Variants in ATP2A3 observed in about 807,000 individuals in gnomAD.
ATP2A3 encodes the protein sarcoplasmic/endoplasmic reticulum calcium ATPase 3.
A neutral mutation model predicts 106.8 loss-of-function variants in ATP2A3; 61 were observed. That is an observed-to-expected ratio of 0.57 (90% CI 0.46 to 0.71). The LOEUF is 0.71. Among genes scored for constraint, ATP2A3 ranks in the 30% least tolerant of loss-of-function variants. The pLI, the probability that ATP2A3 is intolerant of heterozygous loss-of-function variation, is 0.00. For missense variants in ATP2A3, 1,201 were observed against 1,423.5 expected (o/e 0.84, Z 2.52); for synonymous variants, 611 against 609.3 (o/e 1.00, Z -0.04).
At chr17:3,950,915 GCC>G in intron 5 of ATP2A3, 142 bp from the exon 6 acceptor site, 1 of 875,828 alleles carries the variant, frequency 1.1e-6, no homozygotes, top group Non-Finnish European at 1.8e-6. Context: ...TGCCCCTCTG[GCC>G]CACAGTCTCA....
At chr17:3,940,240 G>C (rs1027350846) in intron 14 of ATP2A3, among the ~76,000 whole-genome samples, 6 of 151,934 alleles carry the variant, frequency 3.9e-5, no homozygotes, top group African/African-American at 1.2e-4. Flanking sequence ...CCAAAGATCT[G>C]TGTGCTTCAT....
chr17:3,958,205 G>T (rs899653438), intron 1 of ATP2A3, among the ~76,000 whole-genome samples: 1 of 152,236 alleles, frequency 6.6e-6, no homozygotes. Flanking sequence ...GGTGATAAAT[G>T]TAAGTACCTC....
At chr17:3,934,291 A>G (rs1462303425) in intron 17 of ATP2A3, among the ~76,000 whole-genome samples, 1 of 150,290 alleles carries the variant, frequency 6.7e-6, no homozygotes, top group Non-Finnish European at 1.5e-5. Flanking sequence ...TGGTGTGATC[A>G]CGGCTCAGTT....
At chr17:3,963,471 C>T (rs1160650350) in intron 1 of ATP2A3, among the ~76,000 whole-genome samples, 4 of 152,264 alleles carry the variant, frequency 2.6e-5, no homozygotes. Flanking sequence ...GAATCCCACA[C>T]TCCTTTGAAG....
At position 3,953,784 on chromosome 17, in the gene ATP2A3, G is replaced by T; in HGVS notation, c.119-74C>A. ...TGGGTCACGCAGGGGCCTCGGGGGA[G>T]TCTGGCAGTGCCTCCCCACCGTGCC... is the stretch of plus-strand genomic sequence containing the variant. On this transcript the variant is annotated intron_variant, in intron 1 of 20. Coordinates refer to ENST00000397041, the MANE Select transcript of ATP2A3 (RefSeq NM_005173.4). The surrounding 1 kb of genome is among the most constrained non-coding windows in gnomAD (Gnocchi z 5.1). 6.6e-7 allele frequency: 1 copy of T among 1,504,934 alleles called. No homozygotes were observed. The highest frequency in any genetic ancestry group is 2.5e-5 in the East Asian group (1 of 40,800). The allele number at this position is 1,504,934 out of a possible 1,614,324, so 93.2% of individuals were successfully genotyped here.
chr17:3,939,812 A>AAAAAG (rs2053642742), intron 14 of ATP2A3, among the ~76,000 whole-genome samples: 1 of 146,792 alleles, frequency 6.8e-6, no homozygotes, highest in Admixed American at 6.9e-5. Flanking sequence ...AAAAAAAAAA[A>AAAAAG]GCAATAATCT....
chr17:3,958,811 T>TATATACACATAC (rs1597680775), intron 1 of ATP2A3, among the ~76,000 whole-genome samples: 1 of 127,598 alleles, frequency 7.8e-6, no homozygotes, highest in Non-Finnish European at 1.6e-5. Context: ...TACACACATA[T>TATATACACATAC]ATATATACAC....
At position 3,955,920 on chromosome 17, in the gene ATP2A3, C is replaced by A. The variant is rs1269769364; in HGVS notation, c.119-2210G>T. On this transcript the variant is annotated intron_variant, in intron 1 of 20. Coordinates refer to ENST00000397041, the MANE Select transcript of ATP2A3 (RefSeq NM_005173.4). The surrounding 1 kb of genome is among the most constrained non-coding windows in gnomAD (Gnocchi z 4.2). The stretch of plus-strand genomic sequence containing the variant: ...TTTTTGAGATGGAGTCTTGCTCTCT[C>A]GCCCAGGCTGGAGCGCAGTGGCGGG... Among the ~76,000 whole-genome samples the A allele has an allele frequency of 6.6e-6, 1 of 151,058 alleles. No individual in the cohort carries two copies. The highest frequency in any genetic ancestry group is 2.4e-5 in the African/African-American group (1 of 40,988).
intron 1 of ATP2A3, among the ~76,000 whole-genome samples, chr17:3,957,171 G>A (rs545725934): frequency 2.3e-4 from 35 of 152,342 alleles, no homozygotes; most frequent in Non-Finnish European, 4.1e-4. Flanking sequence ...AACTCCTTGC[G>A]TGCCTTATTC....
At position 3,930,584 on chromosome 17, in the gene ATP2A3, G is replaced by T; in HGVS notation, c.2611-150C>A. ...GTGGGGTGGGCTGGGGATCCCGGGA[G>T]GGGTGCGGGGTCGGGGCGGCGGTGG... On this transcript the variant is annotated intron_variant, in intron 17 of 20. Transcript: ENST00000397041. The surrounding 1 kb of genome is among the most constrained non-coding windows in gnomAD (Gnocchi z 5.4). The T allele has an allele frequency of 8.5e-7, 1 of 1,169,934 alleles. No individual in the cohort carries two copies. Among genetic ancestry groups the T allele is most frequent in the Non-Finnish European group, 1.2e-6 (1 of 821,174 alleles). 72.5% of individuals were successfully genotyped at this position (1,169,934 alleles called of 1,614,324 possible).
intron 17 of ATP2A3, among the ~76,000 whole-genome samples, chr17:3,931,170 A>G (rs1355986021): frequency 1.3e-5 from 2 of 151,894 alleles, no homozygotes; most frequent in Non-Finnish European, 2.9e-5. Context: ...TTTACACCTC[A>G]TACCTCACTC....
At chr17:3,945,735 TTGTC>T (rs1438780810) in intron 8 of ATP2A3, among the ~76,000 whole-genome samples, 1 of 152,212 alleles carries the variant, frequency 6.6e-6, no homozygotes, top group Non-Finnish European at 1.5e-5. Flanking sequence ...GCCTATTTCT[TTGTC>T]TGTTCAGCCA....
At chr17:3,941,691 A>T (rs17846890) in intron 12 of ATP2A3, 37 bp from the exon 13 acceptor site, 13 of 1,593,250 alleles carry the variant, frequency 8.2e-6, no homozygotes, top group Admixed American at 1.7e-5. Flanking sequence ...GTAACTCATC[A>T]GTCAGAACCC....
intron 1 of ATP2A3, among the ~76,000 whole-genome samples, chr17:3,960,735 G>C (rs1409849599): frequency 6.6e-6 from 1 of 152,206 alleles, no homozygotes; most frequent in Non-Finnish European, 1.5e-5. Context: ...ATCCCACCCT[G>C]TGCTGGCGAG....
rs1293175347 is a variant in ATP2A3 at position 3,924,709 on chromosome 17, T to C, written c.*713A>G. The C allele has an allele frequency of 2.2e-6, 1 of 455,844 alleles. No individual in the cohort carries two copies. The highest frequency in any genetic ancestry group is 4.4e-6 in the Non-Finnish European group (1 of 226,708). 28.2% of individuals were successfully genotyped at this position (455,844 alleles called of 1,614,324 possible). A position where few individuals can be genotyped will look rare whatever the true frequency, so the allele number is the denominator to read the frequency against. On this transcript the variant is annotated 3_prime_UTR_variant, in exon 21 of 21. Coordinates refer to ENST00000397041, the MANE Select transcript of ATP2A3 (RefSeq NM_005173.4). The surrounding 1 kb of genome is among the most constrained non-coding windows in gnomAD (Gnocchi z 6.4). ...CGGGGCTGAGGCAGTCCAGCCAGGC[T>C]TTCCCGACTTGTCTCCCGGGAAAGG... is the stretch of plus-strand genomic sequence containing the variant.
At position 3,925,022 on chromosome 17, in the gene ATP2A3, A is replaced by C; in HGVS notation, c.*400T>G. On this transcript the variant is annotated 3_prime_UTR_variant, in exon 21 of 21. Coordinates refer to ENST00000397041, the MANE Select transcript of ATP2A3 (RefSeq NM_005173.4). This position sits in a 1 kb window ranked among gnomAD's most constrained non-coding sequence, Gnocchi z 4.2. ...CTCCGTCAGTGCAGAGGCACCAGTC[A>C]CCAAGTGAACGTCCAGCTTCCGAAC... 1 of 404,102 alleles carries C rather than the reference A, an allele frequency of 2.5e-6. No homozygotes were observed. Among genetic ancestry groups the C allele is most frequent in the East Asian group, 5.7e-5 (1 of 17,566 alleles). 25.0% of individuals were successfully genotyped at this position (404,102 alleles called of 1,614,324 possible).
In ATP2A3 at chr17:3,936,742, A is replaced by ACACACACACACACG; in HGVS notation, c.2322-287_2322-274dup. On this transcript the variant is annotated intron_variant, in intron 15 of 20. Coordinates refer to ENST00000397041, the MANE Select transcript of ATP2A3 (RefSeq NM_005173.4). The surrounding 1 kb of genome is among the most constrained non-coding windows in gnomAD (Gnocchi z 5.4). ...CAAGTACACACACACACACACACACACACACACACACACGCACACGAAGAG... is the reference window on the plus strand; with the variant it reads ...CAAGTACACACACACACACACACACACACACACACACACGCACACACACACACGCACACGAAGAG... The ACACACACACACACG allele has an allele frequency of 2.0e-6, 1 of 500,052 alleles. No individual in the cohort carries two copies. Among genetic ancestry groups the ACACACACACACACG allele is most frequent in the Non-Finnish European group, 3.7e-6 (1 of 273,278 alleles). 31.0% of individuals were successfully genotyped at this position (500,052 alleles called of 1,614,324 possible).
At position 3,930,004 on chromosome 17, in the gene ATP2A3, G is replaced by A. The variant is rs1314688275; in HGVS notation, c.2744+297C>T. Among the ~76,000 whole-genome samples the A allele has an allele frequency of 2.8e-5, 4 of 140,650 alleles. No homozygotes were observed. Among genetic ancestry groups the A allele is most frequent in the African/African-American group, 1.1e-4 (4 of 36,668 alleles). 92.3% of individuals were successfully genotyped at this position (140,650 alleles called of 152,430 possible). A position where few individuals can be genotyped will look rare whatever the true frequency, so the allele number is the denominator to read the frequency against. On this transcript the variant is annotated intron_variant, in intron 18 of 20. Transcript: ENST00000397041. This position sits in a 1 kb window ranked among gnomAD's most constrained non-coding sequence, Gnocchi z 5.4. ...TGACCCCTAGACCCCAGTCTGGGAT[G>A]CTCTTGACCTCTGGACCCCAATCCT...
Position 3,943,639 on chromosome 17 carries a change from T to G in ATP2A3, c.1288-117A>C, listed in dbSNP as rs1597622393. 3 of 1,527,072 alleles carry G rather than the reference T, an allele frequency of 2.0e-6. No homozygotes were observed. The East Asian group carries it at 6.8e-5, about 35-fold the overall frequency. The allele number at this position is 1,527,072 out of a possible 1,614,324, so 94.6% of individuals were successfully genotyped here. On this transcript the variant is annotated intron_variant, in intron 10 of 20. Coordinates refer to ENST00000397041, the MANE Select transcript of ATP2A3 (RefSeq NM_005173.4). Reference sequence around the variant, plus strand: ...TTGCTGGAGTTCCGTGTAACCTCCTTTGCACCGGCCCGTGAGCCCTTCCCA... The same window carrying G: ...TTGCTGGAGTTCCGTGTAACCTCCTGTGCACCGGCCCGTGAGCCCTTCCCA...
Sources: allele counts gnomAD v4.1 joint callset (sites outside exome capture counted in the v4.1 genomes callset), GRCh38; gene constraint gnomAD v4.1.1; non-coding constraint Gnocchi (gnomAD v3.1); transcripts MANE v1.5; gene names NCBI Gene and HGNC (gene_info 2026-07-23, HGNC 2026-07-21).